GART: variants seen among roughly 807,000 people sequenced by gnomAD.
GART encodes trifunctional purine biosynthetic protein adenosine-3.
GART carries 43 observed loss-of-function variants against 107.2 expected under a neutral mutation model. The ratio of observed to expected loss-of-function variants is 0.40; its 90% confidence interval spans 0.31 to 0.52. The LOEUF is 0.52. Ranked by LOEUF, GART falls within the 20% of genes least tolerant of loss-of-function variation. The pLI, the probability that GART is intolerant of heterozygous loss-of-function variation, is 0.52. For synonymous variants in GART, 434 were observed against 427.0 expected (o/e 1.02, Z -0.20); for missense variants, 1,107 against 1,206.5 (o/e 0.92, Z 1.22).
intron 17 of GART, among the ~76,000 whole-genome samples, chr21:33,510,886 T>TG (rs1225409627): frequency 6.6e-6 from 1 of 152,182 alleles, no homozygotes; most frequent in Non-Finnish European, 1.5e-5. Flanking sequence ...TCTGCCCCTC[T>TG]GCCAAGTTCT....
chr21:33,505,835 C>T lies in GART; in HGVS notation c.2584-133G>A, dbSNP rs1443168987. On this transcript the variant is annotated intron_variant, in intron 19 of 21. Transcript: ENST00000381815. ...GATAGAGAGATTATTAAGAAAGGGA[C>T]AGGATGAAGAAGGCAAGCCCAGCAC... 7 of 1,373,988 alleles carry T rather than the reference C, an allele frequency of 5.1e-6. No homozygotes were observed. In the Admixed American group the frequency reaches 8.9e-5, roughly 17 times the overall value. 85.1% of individuals were successfully genotyped at this position (1,373,988 alleles called of 1,614,324 possible).
Position 33,535,330 on chromosome 21 carries a change from G to C in GART, c.146-10C>G. On this transcript the variant is annotated splice_polypyrimidine_tract_variant and intron_variant, in intron 2 of 21. Transcript: ENST00000381815. ...TCACTGATTGAGATGGCTGTAAACAGAAAAAAAAAAAAAAAAACCACTGCA... is the reference window on the plus strand; with the variant it reads ...TCACTGATTGAGATGGCTGTAAACACAAAAAAAAAAAAAAAAACCACTGCA... The C allele has an allele frequency of 3.3e-4, 121 of 365,822 alleles. No homozygotes were observed. Among genetic ancestry groups the C allele is most frequent in the Non-Finnish European group, 4.9e-4 (111 of 225,408 alleles). The allele number at this position is 365,822 out of a possible 1,614,324, so 22.7% of individuals were successfully genotyped here.
intron 18 of GART, among the ~76,000 whole-genome samples, chr21:33,508,501 T>A (rs1026439387): frequency 2.2e-4 from 33 of 150,380 alleles, no homozygotes; most frequent in Non-Finnish European, 3.0e-4. Flanking sequence ...CTGTTTTGTA[T>A]CTATTGTTTC....
At chr21:33,507,513 T>C (rs576644261) in intron 18 of GART, among the ~76,000 whole-genome samples, 4 of 152,256 alleles carry the variant, frequency 2.6e-5, no homozygotes, top group African/African-American at 7.2e-5. Flanking sequence ...CAATAATTTA[T>C]TACACATTTT....
rs980526697 is a variant in GART, at chr21:33,505,440, G to A, written c.2725+121C>T. The A allele has an allele frequency of 6.7e-6, 5 of 742,628 alleles. No homozygotes were observed. In the African/African-American group the frequency reaches 9.0e-5, roughly 13 times the overall value. The allele number at this position is 742,628 out of a possible 1,614,324, so 46.0% of individuals were successfully genotyped here. A position where few individuals can be genotyped will look rare whatever the true frequency, so the allele number is the denominator to read the frequency against. On this transcript the variant is annotated intron_variant, in intron 20 of 21. Coordinates refer to ENST00000381815, the MANE Select transcript of GART (RefSeq NM_000819.5). ...GTTAAAGTATTAATAAAATATCACA[G>A]TCAAACAGGAGTTGGATTTCTGGGA... is the stretch of plus-strand genomic sequence containing the variant.
In GART at chr21:33,528,169, G is replaced by C; in HGVS notation, c.1064C>G (p.Thr355Arg). The C allele has an allele frequency of 1.2e-6, 2 of 1,613,134 alleles. No individual in the cohort carries two copies. Among genetic ancestry groups the C allele is most frequent in the Non-Finnish European group, 1.7e-6 (2 of 1,179,582 alleles). ...ACCTCTTGCTCCCTGACACTCACCT[G>C]TTATCTCTACACCCTTGGTGTAGTC... ...PGDYTKGVEITGFPEAQALGL... is the reference protein window; with the variant it reads ...PGDYTKGVEIRGFPEAQALGL... Residue 355 changes from threonine (T) to arginine (R), a missense_variant and splice_region_variant, in exon 10 of 22, where the codon ACA becomes AGA. Transcript: ENST00000381815.
intron 1 of GART, among the ~76,000 whole-genome samples, 188 bp downstream of exon 1, chr21:33,541,877 A>G (rs1417586247): frequency 6.6e-6 from 1 of 152,232 alleles, no homozygotes; most frequent in Non-Finnish European, 1.5e-5. Context: ...AGGAAAAGTA[A>G]AAGAGCAAAT....
At chr21:33,535,621 G>A (rs1350238900) in intron 2 of GART, among the ~76,000 whole-genome samples, 6 of 152,152 alleles carry the variant, frequency 3.9e-5, no homozygotes, top group Admixed American at 3.3e-4. Flanking sequence ...AATATTGACT[G>A]TATATTAAAC....
Position 33,542,082 on chromosome 21 carries a change from C to T in GART, c.-59G>A, listed in dbSNP as rs1280908563. 1 of 152,262 alleles carries T rather than the reference C, an allele frequency of 6.6e-6. No individual in the cohort carries two copies. The highest frequency in any genetic ancestry group is 1.5e-5 in the Non-Finnish European group (1 of 68,054). 9.4% of individuals were successfully genotyped at this position (152,262 alleles called of 1,614,324 possible). On this transcript the variant is annotated 5_prime_UTR_variant, in exon 1 of 22. Transcript: ENST00000381815. ...TTACGCACCGACACCGGGTGGCCAC[C>T]TGGTTCCCGCTTGCCCGCTCGCCGG...
At chr21:33,528,631 A>AAAG in intron 8 of GART, 27 bp from the exon 9 acceptor site, 7 of 1,439,336 alleles carry the variant, frequency 4.9e-6, no homozygotes, top group Non-Finnish European at 6.6e-6. Context: ...AAAAAAAAAA[A>AAAG]AGAGAGAAAG....
chr21:33,525,948 C>A (rs1032367496), intron 10 of GART, among the ~76,000 whole-genome samples: 1 of 150,158 alleles, frequency 6.7e-6, no homozygotes, highest in Non-Finnish European at 1.5e-5. Flanking sequence ...TGGCTCACTG[C>A]AAGCTCCTCC....
chr21:33,540,555 C>G (rs1296753793), intron 1 of GART, among the ~76,000 whole-genome samples: 1 of 152,078 alleles, frequency 6.6e-6, no homozygotes, highest in Non-Finnish European at 1.5e-5. Flanking sequence ...ACTCATTTCA[C>G]TTTAGTTCTG....
At position 33,524,830 on chromosome 21, in the gene GART, C is replaced by G. The variant is rs779097308; in HGVS notation, c.1237G>C (p.Glu413Gln). The G allele has an allele frequency of 2.1e-5, 34 of 1,614,116 alleles. No homozygotes were observed. The South Asian group carries it at 3.2e-4, about 15-fold the overall frequency. The part of the protein sequence containing the change: ...AKKGLAAIKF[E>Q]GAIYRKDVGF... Reference sequence around the variant, plus strand: ...ACGTCTTTCCTATAAATTGCTCCCTCAAACTTTATAGCAGCTAGTCCTTTC... The same window carrying G: ...ACGTCTTTCCTATAAATTGCTCCCTGAAACTTTATAGCAGCTAGTCCTTTC... Residue 413 changes from glutamate (E) to glutamine (Q), a missense_variant, in exon 11 of 22, where the codon GAG (glutamate) becomes CAG (glutamine). Coordinates refer to ENST00000381815, the MANE Select transcript of GART (RefSeq NM_000819.5).
At chr21:33,518,360 C>A (rs1260874718) in intron 14 of GART, among the ~76,000 whole-genome samples, 3 of 152,136 alleles carry the variant, frequency 2.0e-5, no homozygotes, top group Non-Finnish European at 4.4e-5. Context: ...TGCCTGTAAT[C>A]CCAGCTACTT....
At position 33,520,945 on chromosome 21, in the gene GART, A is replaced by G. The variant is rs138300344; in HGVS notation, c.1464T>C (p.Leu488=). The G allele has an allele frequency of 9.9e-6, 16 of 1,614,032 alleles. No homozygotes were observed. Among genetic ancestry groups the G allele is most frequent in the African/African-American group, 1.3e-5 (1 of 74,944 alleles). ...DLKAAGFKDP[L]LASGTDGVGT... Reference sequence around the variant, plus strand: ...CAACGCCATCTGTTCCAGAGGCCAGAAGGGGATCTTTGAAACCAGCTGCTT... The same window carrying G: ...CAACGCCATCTGTTCCAGAGGCCAGGAGGGGATCTTTGAAACCAGCTGCTT... The change falls in exon 13 of 22, where the codon CTT becomes CTC. Residue 488 remains leucine, a synonymous_variant. Transcript: ENST00000381815.
At chr21:33,531,699 C>G in intron 5 of GART, 142 bp from the exon 6 acceptor site, 1 of 685,504 alleles carries the variant, frequency 1.5e-6, no homozygotes, top group East Asian at 2.7e-5. Context: ...TTCAGAAAGA[C>G]TCAAAGGGAA....
intron 1 of GART, among the ~76,000 whole-genome samples, chr21:33,539,690 CAA>C (rs879552242): frequency 3.8e-5 from 5 of 133,150 alleles, no homozygotes; most frequent in Non-Finnish European, 6.6e-5. Flanking sequence ...AAGACCATCT[CAA>C]AAAAAAAAAA....
intron 4 of GART, 80 bp downstream of exon 4, chr21:33,534,499 G>A (rs758665394): frequency 7.7e-5 from 113 of 1,475,512 alleles, no homozygotes; most frequent in Admixed American, 1.1e-4. Context: ...TTACAGGTGA[G>A]CTACTGTGCC....
intron 14 of GART, chr21:33,518,713 T>C (rs1261051069): frequency 6.8e-6 from 3 of 441,500 alleles, no homozygotes; most frequent in African/African-American, 2.0e-5. Context: ...CAAAACTCCT[T>C]ACAAGATCTA....
Sources: allele counts gnomAD v4.1 joint callset (sites outside exome capture counted in the v4.1 genomes callset), GRCh38; gene constraint gnomAD v4.1.1; transcripts MANE v1.5; gene names NCBI Gene and HGNC (gene_info 2026-07-23, HGNC 2026-07-21).